Variants in PTPRM observed in about 807,000 individuals in gnomAD.
The protein encoded by PTPRM is protein tyrosine phosphatase receptor type M, also known as receptor-type tyrosine-protein phosphatase mu.
Under a neutral mutation model 186.7 loss-of-function variants are expected in PTPRM, and 47 were observed. The ratio of observed to expected loss-of-function variants is 0.25; its 90% confidence interval spans 0.20 to 0.32. PTPRM has a LOEUF of 0.32. Among genes scored for constraint, PTPRM ranks in the 10% least tolerant of loss-of-function variants. The pLI, the probability that PTPRM is intolerant of heterozygous loss-of-function variation, is 1.00. For synonymous variants in PTPRM, 668 were observed against 674.9 expected (o/e 0.99, Z 0.16); for missense variants, 1,494 against 1,865.0 (o/e 0.80, Z 3.66).
chr18:8,035,950 T>C (rs2086298004), intron 7 of PTPRM, among the ~76,000 whole-genome samples: 1 of 152,202 alleles, frequency 6.6e-6, no homozygotes, highest in African/African-American at 2.4e-5. Context: ...TTATTATGCC[T>C]CAGTGTATAT....
intron 1 of PTPRM, among the ~76,000 whole-genome samples, chr18:7,732,034 G>A (rs1180188158): frequency 6.6e-6 from 1 of 152,104 alleles, no homozygotes; most frequent in African/African-American, 2.4e-5. Context: ...AGAAATTATT[G>A]GTATAAAAAC....
chr18:7,884,539 A>G (rs2048670874), intron 2 of PTPRM, among the ~76,000 whole-genome samples: 1 of 152,146 alleles, frequency 6.6e-6, no homozygotes, highest in South Asian at 2.1e-4. Flanking sequence ...TGCCAGAGGA[A>G]GACTGTGCAT....
At chr18:7,871,537 C>T (rs1462314313) in intron 2 of PTPRM, among the ~76,000 whole-genome samples, 1 of 152,112 alleles carries the variant, frequency 6.6e-6, no homozygotes, top group Non-Finnish European at 1.5e-5. Flanking sequence ...TTTTTCATGC[C>T]CAATGTCAGT....
Position 8,186,715 on chromosome 18 carries a change from G to A in PTPRM, c.2300+42936G>A, listed in dbSNP as rs190317769. Reference sequence around the variant, plus strand: ...CCACTGTGTTGCACTCATGTGTCAGGCACAGCGCAAGGTGACATGGGGGAA... The same window carrying A: ...CCACTGTGTTGCACTCATGTGTCAGACACAGCGCAAGGTGACATGGGGGAA... On this transcript the variant is annotated intron_variant, in intron 14 of 32. Coordinates refer to ENST00000580170, the MANE Select transcript of PTPRM (RefSeq NM_001105244.2). Among the ~76,000 whole-genome samples the A allele has an allele frequency of 4.9e-4, 75 of 152,308 alleles. 1 individual carries two copies. Among genetic ancestry groups the A allele is most frequent in the Admixed American group, 4.8e-3 (74 of 15,300 alleles).
At chr18:8,378,928 A>G (rs77059692) in intron 27 of PTPRM, among the ~76,000 whole-genome samples, 5,347 of 152,092 alleles carry the variant, frequency 0.035, 146 homozygotes, top group East Asian at 0.092. Flanking sequence ...TCTTAATTCT[A>G]GGGACCCACA....
At chr18:8,236,023 A>G (rs8094946) in intron 14 of PTPRM, among the ~76,000 whole-genome samples, 60,681 of 151,978 alleles carry the variant, frequency 0.4, 12,493 homozygotes, top group Middle Eastern at 0.56. Context: ...TACCCTGTGA[A>G]CTTGAATATA....
intron 1 of PTPRM, among the ~76,000 whole-genome samples, chr18:7,643,112 A>G (rs943657434): frequency 5.9e-5 from 9 of 152,052 alleles, no homozygotes; most frequent in African/African-American, 2.2e-4. Context: ...AAGACATAAG[A>G]TTCTTTTGTG....
intron 1 of PTPRM, among the ~76,000 whole-genome samples, chr18:7,669,774 G>A (rs897002104): frequency 6.6e-6 from 1 of 152,140 alleles, no homozygotes; most frequent in Admixed American, 6.5e-5. Flanking sequence ...CCAGGCTGGA[G>A]TGCAGTGGTG....
intron 14 of PTPRM, among the ~76,000 whole-genome samples, chr18:8,207,600 A>G (rs76850216): frequency 0.029 from 4,355 of 152,330 alleles, 76 homozygotes; most frequent in Non-Finnish European, 0.043. Flanking sequence ...TAAAATAAAA[A>G]TGTATAAAAA....
At position 7,590,569 on chromosome 18, in the gene PTPRM, G is replaced by A. The variant is rs192503044; in HGVS notation, c.73+22678G>A. Among the ~76,000 whole-genome samples, 1,162 of 152,274 alleles carry A rather than the reference G, an allele frequency of 7.6e-3. 15 individuals are homozygous for A. Among genetic ancestry groups the A allele is most frequent in the African/African-American group, 0.026 (1,087 of 41,560 alleles). ...TTATTTGGAGAAGTAAAAAAATTGGGAACAACCTAAATATCCGACAATAGA... is the reference window on the plus strand; with the variant it reads ...TTATTTGGAGAAGTAAAAAAATTGGAAACAACCTAAATATCCGACAATAGA... On this transcript the variant is annotated intron_variant, in intron 1 of 32. Coordinates refer to ENST00000580170, the MANE Select transcript of PTPRM (RefSeq NM_001105244.2).
chr18:7,972,757 G>T (rs1226724784), intron 7 of PTPRM, among the ~76,000 whole-genome samples: 1 of 151,992 alleles, frequency 6.6e-6, no homozygotes, highest in Non-Finnish European at 1.5e-5. Context: ...ATATAAGAAG[G>T]CAAAAAATAT....
intron 1 of PTPRM, among the ~76,000 whole-genome samples, chr18:7,624,930 C>T (rs150467195): frequency 2.0e-5 from 3 of 152,074 alleles, no homozygotes; most frequent in Non-Finnish European, 2.9e-5. Flanking sequence ...GTGTGTGTGG[C>T]GAGCCTAATG....
At position 8,394,519 on chromosome 18, in the gene PTPRM, G is replaced by C. The variant is rs370769923; in HGVS notation, c.4252G>C (p.Val1418Leu). The C allele has an allele frequency of 7.9e-5, 128 of 1,613,520 alleles. 1 individual carries two copies. In the Admixed American group the frequency reaches 1.1e-3, roughly 14 times the overall value. The change falls in exon 32 of 33, where the codon GTA becomes CTA. Residue 1418 changes from valine (V) to leucine (L), a missense_variant. Val to Leu is a conservative substitution (Grantham distance 32). Around this residue, in one of 3 missense-constraint regions of PTPRM, gnomAD observed 1,107 missense variants for 1,350.2 expected, o/e 0.82. Coordinates refer to ENST00000580170, the MANE Select transcript of PTPRM (RefSeq NM_001105244.2). The stretch of plus-strand genomic sequence containing the variant: ...TGGGACGTTCTGCGCCATCAGCATC[G>C]TATGTGAGATGCTCCGGCACCAGAG... ...RSGTFCAISI[V>L]CEMLRHQRTV...
chr18:7,637,186 A>AC (rs1555643934), intron 1 of PTPRM, among the ~76,000 whole-genome samples: 7 of 151,310 alleles, frequency 4.6e-5, no homozygotes, highest in Admixed American at 2.6e-4. Context: ...AAAAAAAAAA[A>AC]CAGTGTAATT....
intron 1 of PTPRM, among the ~76,000 whole-genome samples, chr18:7,768,086 G>A (rs990399565): frequency 2.0e-5 from 3 of 152,168 alleles, no homozygotes; most frequent in Non-Finnish European, 2.9e-5. Flanking sequence ...CTAAGACACA[G>A]TTATAATCAG....
chr18:7,963,170 C>T (rs949771576), intron 7 of PTPRM, among the ~76,000 whole-genome samples: 6 of 152,210 alleles, frequency 3.9e-5, no homozygotes, highest in Non-Finnish European at 4.4e-5. Context: ...CTTTGGGTCA[C>T]GTCACCGTGT....
intron 23 of PTPRM, among the ~76,000 whole-genome samples, chr18:8,363,367 G>A (rs1255957125): frequency 1.3e-5 from 2 of 152,142 alleles, no homozygotes; most frequent in African/African-American, 4.8e-5. Context: ...TCTGTGACTG[G>A]CACAAAGTCG....
rs558411840 is a variant in PTPRM, at chr18:7,861,751, T to C, written c.197-26355T>C. 6.6e-5 allele frequency among the ~76,000 whole-genome samples: 10 copies of C among 151,278 alleles called. No individual in the cohort carries two copies. In the East Asian group the frequency reaches 1.6e-3, roughly 23 times the overall value. On this transcript the variant is annotated intron_variant, in intron 2 of 32. Coordinates refer to ENST00000580170, the MANE Select transcript of PTPRM (RefSeq NM_001105244.2). ...GTAGTGGAATGAAGACTGTTTGATA[T>C]TGGGGTGTGTGTGTGTGAGAGAGAG...
chr18:7,981,772 G>A (rs559485482), intron 7 of PTPRM, among the ~76,000 whole-genome samples: 10 of 152,188 alleles, frequency 6.6e-5, no homozygotes, highest in Admixed American at 2.0e-4. Context: ...AGGCTATATG[G>A]TATAGCCAAG....
Sources: allele counts gnomAD v4.1 joint callset (sites outside exome capture counted in the v4.1 genomes callset), GRCh38; gene constraint gnomAD v4.1.1; regional missense constraint gnomAD v4.1.1; transcripts MANE v1.5; gene names NCBI Gene and HGNC (gene_info 2026-07-23, HGNC 2026-07-21).